The following AP5M1 variants were observed in gnomAD, a reference collection of about 807,000 sequenced individuals.
AP5M1 encodes adaptor related protein complex 5 subunit mu 1.
Under a neutral mutation model 52.3 loss-of-function variants are expected in AP5M1, and 44 were observed. The observed-to-expected ratio is 0.84, with a 90% CI of 0.66 to 1.08. AP5M1 has a LOEUF of 1.08. AP5M1 is among the 50% of genes least tolerant of loss of function. AP5M1 has a pLI of 0.00. For synonymous variants in AP5M1, 213 were observed against 199.0 expected, an observed-to-expected ratio of 1.07 and a Z score of -0.59; for missense variants, 526 against 568.4, an observed-to-expected ratio of 0.93 and a Z score of 0.76.
chr14:57,282,003 A>T, intron 3 of AP5M1, 86 bp from the exon 4 acceptor site: 1 of 1,196,758 alleles, frequency 8.4e-7, no homozygotes, highest in Non-Finnish European at 1.1e-6. Flanking sequence ...TCTCCAAGTC[A>T]TTAAAAGTAA....
intron 6 of AP5M1, 150 bp from the exon 7 acceptor site, chr14:57,286,073 G>T (rs1009157158): frequency 3.4e-6 from 2 of 596,144 alleles, no homozygotes; most frequent in African/African-American, 1.9e-5. Context: ...ATATGTGTGC[G>T]CACACACACA....
chr14:57,275,159 C>T (rs1469799976), intron 2 of AP5M1: 2 of 441,224 alleles, frequency 4.5e-6, no homozygotes, highest in Non-Finnish European at 8.2e-6. Flanking sequence ...TAGCTGGGAA[C>T]TTTCAGGGTA....
Position 57,290,708 on chromosome 14 carries a change from T to G in AP5M1, c.*1824T>G, listed in dbSNP as rs990105130. ...GGGAACCTGATGCCATCTGTTGCCATTCCATTCTAACATAGTGCTACAGAA... is the reference window on the plus strand; with the variant it reads ...GGGAACCTGATGCCATCTGTTGCCAGTCCATTCTAACATAGTGCTACAGAA... On this transcript the variant is annotated 3_prime_UTR_variant, in exon 8 of 8. Transcript: ENST00000261558. 3 of 151,940 alleles carry G rather than the reference T, an allele frequency of 2.0e-5. No homozygotes were observed. The highest frequency in any genetic ancestry group is 7.2e-5 in the African/African-American group (3 of 41,408). 9.4% of individuals were successfully genotyped at this position (151,940 alleles called of 1,614,324 possible). A position where few individuals can be genotyped will look rare whatever the true frequency, so the allele number is the denominator to read the frequency against.
rs762372688 is a variant in AP5M1, at chr14:57,296,559, T to C, written c.*7675T>C. The C allele has an allele frequency of 3.0e-4, 46 of 152,134 alleles. No homozygotes were observed. The highest frequency in any genetic ancestry group is 5.3e-4 in the Non-Finnish European group (36 of 67,984). The allele number at this position is 152,134 out of a possible 1,614,324, so 9.4% of individuals were successfully genotyped here. On this transcript the variant is annotated 3_prime_UTR_variant, in exon 8 of 8. Transcript: ENST00000261558. ...AATTCTGCTTTTGCTAAGGCAATAA[T>C]CAGTAGAAGTGGTTAGTAATATTTG...
rs1300557096 is a variant in AP5M1 at position 57,289,956 on chromosome 14, CAAGTTGGACTTT to C, written c.*1077_*1088del. On this transcript the variant is annotated 3_prime_UTR_variant, in exon 8 of 8. Transcript: ENST00000261558. ...TTATGTTTTCAGAGCAGTTCATTGT[CAAGTTGGACTTT>C]AAGTGACCATTCAAGAAAAGATGAA... The C allele has an allele frequency of 7.2e-5, 11 of 151,802 alleles. No homozygotes were observed. The highest frequency in any genetic ancestry group is 1.3e-4 in the Non-Finnish European group (9 of 67,896). The allele number at this position is 151,802 out of a possible 1,614,324, so 9.4% of individuals were successfully genotyped here. A position where few individuals can be genotyped will look rare whatever the true frequency, so the allele number is the denominator to read the frequency against.
rs927952617 is a variant in AP5M1 at position 57,297,252 on chromosome 14, C to T, written c.*8368C>T. 1 of 151,828 alleles carries T rather than the reference C, an allele frequency of 6.6e-6. No individual in the cohort carries two copies. Among genetic ancestry groups the T allele is most frequent in the Non-Finnish European group, 1.5e-5 (1 of 67,960 alleles). 9.4% of individuals were successfully genotyped at this position (151,828 alleles called of 1,614,324 possible). On this transcript the variant is annotated 3_prime_UTR_variant, in exon 8 of 8. Transcript: ENST00000261558. ...AAATACTAAATTAAATACAAAAAAA[C>T]TCCTACATACTAACTATATGTTTCT... is the stretch of plus-strand genomic sequence containing the variant.
intron 6 of AP5M1, among the ~76,000 whole-genome samples, chr14:57,284,011 A>T (rs1284236188): frequency 6.6e-6 from 1 of 152,202 alleles, no homozygotes; most frequent in Non-Finnish European, 1.5e-5. Flanking sequence ...TGAGATTTGT[A>T]TACAGAAAAT....
In AP5M1 at chr14:57,288,955, G is replaced by A. The variant is rs1358356867; in HGVS notation, c.*71G>A. On this transcript the variant is annotated 3_prime_UTR_variant, in exon 8 of 8. Coordinates refer to ENST00000261558, the MANE Select transcript of AP5M1 (RefSeq NM_018229.4). ...AAAATCATAATCTTATATTTTTAATGTGGATGCATATAACCTGTGAGTGAA... is the reference window on the plus strand; with the variant it reads ...AAAATCATAATCTTATATTTTTAATATGGATGCATATAACCTGTGAGTGAA... 7.5e-5 allele frequency: 68 copies of A among 909,248 alleles called. No homozygotes were observed. The highest frequency in any genetic ancestry group is 2.0e-5 in the Non-Finnish European group (12 of 589,380). The allele number at this position is 909,248 out of a possible 1,614,324, so 56.3% of individuals were successfully genotyped here.
At position 57,296,389 on chromosome 14, in the gene AP5M1, T is replaced by A. The variant is rs535100276; in HGVS notation, c.*7505T>A. 17 of 152,176 alleles carry A rather than the reference T, an allele frequency of 1.1e-4. No individual in the cohort carries two copies. The highest frequency in any genetic ancestry group is 3.9e-4 in the African/African-American group (16 of 41,556). The allele number at this position is 152,176 out of a possible 1,614,324, so 9.4% of individuals were successfully genotyped here. On this transcript the variant is annotated 3_prime_UTR_variant, in exon 8 of 8. Coordinates refer to ENST00000261558, the MANE Select transcript of AP5M1 (RefSeq NM_018229.4). Reference sequence around the variant, plus strand: ...AAAGGCTCTTAAGAAACTGTTAGCCTGTTACTTTATTACTTACCATTTCTA... The same window carrying A: ...AAAGGCTCTTAAGAAACTGTTAGCCAGTTACTTTATTACTTACCATTTCTA...
Position 57,298,129 on chromosome 14 carries a change from G to A in AP5M1, c.*9245G>A, listed in dbSNP as rs1175963293. The A allele has an allele frequency of 6.6e-6, 1 of 152,056 alleles. No homozygotes were observed. The highest frequency in any genetic ancestry group is 6.6e-5 in the Admixed American group (1 of 15,246). The allele number at this position is 152,056 out of a possible 1,614,324, so 9.4% of individuals were successfully genotyped here. On this transcript the variant is annotated 3_prime_UTR_variant, in exon 8 of 8. Coordinates refer to ENST00000261558, the MANE Select transcript of AP5M1 (RefSeq NM_018229.4). ...ACTCGTATCTTAGAAATGTCCTTCC[G>A]AAACTCACTCTACAACAGCTTTGTG...
At chr14:57,273,410 A>AT (rs1266547036) in intron 1 of AP5M1, among the ~76,000 whole-genome samples, 2 of 152,182 alleles carry the variant, frequency 1.3e-5, no homozygotes, top group Non-Finnish European at 2.9e-5. Context: ...AAGTTAAGTG[A>AT]TTTACTCAAA....
intron 1 of AP5M1, chr14:57,273,840 G>A: frequency 1.5e-6 from 1 of 663,780 alleles, no homozygotes; most frequent in Admixed American, 2.3e-5. Flanking sequence ...CACTTTGTTA[G>A]CCCTACTCTA....
chr14:57,293,490 T>C lies in AP5M1; in HGVS notation c.*4606T>C, dbSNP rs1318112250. ...TTGTGCCAAGCCAGCCTCCTCTAGT[T>C]TCAATTTAATAACTAGTTTCAAAAT... On this transcript the variant is annotated 3_prime_UTR_variant, in exon 8 of 8. Transcript: ENST00000261558. 1.3e-5 allele frequency: 2 copies of C among 151,710 alleles called. No homozygotes were observed. The highest frequency in any genetic ancestry group is 3.0e-5 in the Non-Finnish European group (2 of 67,774). 9.4% of individuals were successfully genotyped at this position (151,710 alleles called of 1,614,324 possible).
rs1015147276 is a variant in AP5M1, at chr14:57,293,024, T to C, written c.*4140T>C. On this transcript the variant is annotated 3_prime_UTR_variant, in exon 8 of 8. Coordinates refer to ENST00000261558, the MANE Select transcript of AP5M1 (RefSeq NM_018229.4). The stretch of plus-strand genomic sequence containing the variant: ...GCCGAGTAATTAAATTTTTTCTGCC[T>C]GCCTTTTTCTCAGTTATCTGAGTAC... The C allele has an allele frequency of 2.0e-5, 3 of 151,758 alleles. No individual in the cohort carries two copies. The highest frequency in any genetic ancestry group is 1.3e-4 in the Admixed American group (2 of 15,172). 9.4% of individuals were successfully genotyped at this position (151,758 alleles called of 1,614,324 possible).
Position 57,295,849 on chromosome 14 carries a change from A to G in AP5M1, c.*6965A>G, listed in dbSNP as rs1482895133. 6.6e-6 allele frequency: 1 copy of G among 152,018 alleles called. No homozygotes were observed. Among genetic ancestry groups the G allele is most frequent in the African/African-American group, 2.4e-5 (1 of 41,424 alleles). The allele number at this position is 152,018 out of a possible 1,614,324, so 9.4% of individuals were successfully genotyped here. On this transcript the variant is annotated 3_prime_UTR_variant, in exon 8 of 8. Coordinates refer to ENST00000261558, the MANE Select transcript of AP5M1 (RefSeq NM_018229.4). ...ATAATAAGCTGAAAATAATCAAAAA[A>G]TGAAAACAATTGTGAAATTACTGAA...
At position 57,297,466 on chromosome 14, in the gene AP5M1, T is replaced by C. The variant is rs1369081132; in HGVS notation, c.*8582T>C. On this transcript the variant is annotated 3_prime_UTR_variant, in exon 8 of 8. Transcript: ENST00000261558. The stretch of plus-strand genomic sequence containing the variant: ...GCTAATGTGTCTTAGATTTACCAAC[T>C]ATCCTAATGTGTAGTCAATTGATAA... 1 of 152,150 alleles carries C rather than the reference T, an allele frequency of 6.6e-6. No individual in the cohort carries two copies. The highest frequency in any genetic ancestry group is 2.4e-5 in the African/African-American group (1 of 41,436). 9.4% of individuals were successfully genotyped at this position (152,150 alleles called of 1,614,324 possible).
Position 57,282,784 on chromosome 14 carries a change from ACATT to A in AP5M1, c.1089-145_1089-142del, listed in dbSNP as rs1461219419. On this transcript the variant is annotated intron_variant, in intron 4 of 7. Transcript: ENST00000261558. ...TGTGCTTGTTGTTTTTCAAGATTTA[ACATT>A]CATTATTTGTTCTATTCTGCAAACT... The A allele has an allele frequency of 2.5e-5, 12 of 482,050 alleles. No individual in the cohort carries two copies. The East Asian group carries it at 2.9e-4, about 12-fold the overall frequency. 29.9% of individuals were successfully genotyped at this position (482,050 alleles called of 1,614,324 possible). A position where few individuals can be genotyped will look rare whatever the true frequency, so the allele number is the denominator to read the frequency against.
In AP5M1 at chr14:57,274,893, A is replaced by C. The variant is rs1884987605; in HGVS notation, c.720+4A>C. 3 of 1,613,992 alleles carry C rather than the reference A, an allele frequency of 1.9e-6. No homozygotes were observed. The South Asian group carries it at 3.3e-5, about 18-fold the overall frequency. ...TGTTGGAACAGTGACTTGCAAGGTG[A>C]GATTTTTCTCTGGTACTTGCTTTAT... On this transcript the variant is annotated splice_donor_region_variant and intron_variant, in intron 2 of 7. Coordinates refer to ENST00000261558, the MANE Select transcript of AP5M1 (RefSeq NM_018229.4).
chr14:57,283,124 C>A lies in AP5M1; in HGVS notation c.1187C>A (p.Pro396Gln). 6.2e-7 allele frequency: 1 copy of A among 1,611,704 alleles called. No individual in the cohort carries two copies. Among genetic ancestry groups the A allele is most frequent in the South Asian group, 1.1e-5 (1 of 90,392 alleles). Residue 396 changes from proline to glutamine, a missense_variant, in exon 6 of 8, where the codon CCA becomes CAA. Physicochemically the swap from Pro to Gln is moderately conservative, Grantham distance 76. Coordinates refer to ENST00000261558, the MANE Select transcript of AP5M1 (RefSeq NM_018229.4). ...ATTTGTGTTTTAGGCCAGAAGTTCCCAAAATCAATGGAAATTAGTCTTTCT... is the reference window on the plus strand; with the variant it reads ...ATTTGTGTTTTAGGCCAGAAGTTCCAAAAATCAATGGAAATTAGTCTTTCT... ...LLIWIIGQKF[P>Q]KSMEISLSGT...
Sources: allele counts gnomAD v4.1 joint callset (sites outside exome capture counted in the v4.1 genomes callset), GRCh38; gene constraint gnomAD v4.1.1; transcripts MANE v1.5; gene names NCBI Gene and HGNC (gene_info 2026-07-23, HGNC 2026-07-21).